Variants in TMEM50B observed in about 807,000 individuals in gnomAD.
TMEM50B encodes HCV p7-trans-regulated protein 3.
TMEM50B carries 14 observed loss-of-function variants against 23.4 expected under a neutral mutation model. The ratio of observed to expected loss-of-function variants is 0.60; its 90% confidence interval spans 0.39 to 0.93. TMEM50B has a LOEUF of 0.93. Among genes scored for constraint, TMEM50B ranks in the 40% least tolerant of loss-of-function variants. The pLI, the probability that TMEM50B is intolerant of heterozygous loss-of-function variation, is 0.00. For missense variants in TMEM50B, 159 were observed against 193.0 expected (o/e 0.82, Z 1.04); for synonymous variants, 64 against 62.3 (o/e 1.03, Z -0.13).
exon 9 of TMEM50B, chr21:33,432,638 C>T: frequency 6.7e-7 from 1 of 1,502,326 alleles, no homozygotes; most frequent in South Asian, 1.1e-5. Context: ...CTTTAAGCAG[C>T]ATGGATGGAA....
At chr21:33,451,417 A>T (rs1176135087) in intron 6 of TMEM50B, among the ~76,000 whole-genome samples, 2 of 152,206 alleles carry the variant, frequency 1.3e-5, no homozygotes, top group African/African-American at 4.8e-5. Context: ...GGAGACAATC[A>T]AATAAATATA....
At chr21:33,442,157 T>C (rs562304150) in intron 7 of TMEM50B, among the ~76,000 whole-genome samples, 65 of 152,198 alleles carry the variant, frequency 4.3e-4, no homozygotes, top group African/African-American at 1.4e-3. Context: ...GATGAGAACA[T>C]CCCCAGCTGT....
chr21:33,451,791 CAT>C (rs562994227), intron 6 of TMEM50B, among the ~76,000 whole-genome samples: 87 of 152,174 alleles, frequency 5.7e-4, no homozygotes, highest in Middle Eastern at 3.4e-3. Flanking sequence ...CCTAAGTACA[CAT>C]GAGTTCACCC....
rs2040120 is a variant in TMEM50B at position 33,436,742 on chromosome 21, T to A, written c.*2120+2472A>T. On this transcript the variant is annotated intron_variant and NMD_transcript_variant, in intron 8 of 8. Transcript: ENST00000420455. ...CTCAAAAAAAAAATAAAAATAAAAA[T>A]AAAATAAAAACAAAAACTAAAGTTA... is the stretch of plus-strand genomic sequence containing the variant. 0.5 allele frequency: 551,167 copies of A among 1,102,270 alleles called. 143,171 individuals are homozygous for A. The highest frequency in any genetic ancestry group is 0.82 in the East Asian group (31,507 of 38,360). 68.3% of individuals were successfully genotyped at this position (1,102,270 alleles called of 1,614,324 possible). A position where few individuals can be genotyped will look rare whatever the true frequency, so the allele number is the denominator to read the frequency against.
intron 1 of TMEM50B, chr21:33,479,331 A>T (rs1287878767): frequency 6.6e-6 from 1 of 152,670 alleles, no homozygotes; most frequent in Non-Finnish European, 1.5e-5. Flanking sequence ...ATGAAATCAG[A>T]AAAGTGCAGA....
intron 6 of TMEM50B, 79 bp downstream of exon 6, chr21:33,455,648 G>T: frequency 1.7e-6 from 2 of 1,175,414 alleles, no homozygotes; most frequent in South Asian, 1.2e-5. Flanking sequence ...ATTTATATGT[G>T]TTCCATATAT....
At chr21:33,466,299 G>A (rs1157092587) in intron 3 of TMEM50B, among the ~76,000 whole-genome samples, 1 of 152,004 alleles carries the variant, frequency 6.6e-6, no homozygotes, top group Non-Finnish European at 1.5e-5. Context: ...AGGAAATGAT[G>A]TAATCTTAAT....
intron 5 of TMEM50B, among the ~76,000 whole-genome samples, chr21:33,457,701 A>G (rs1465637607): frequency 3.3e-5 from 5 of 152,102 alleles, no homozygotes; most frequent in Middle Eastern, 3.4e-3. Flanking sequence ...TTTACAAACA[A>G]TATTTCCCTA....
At chr21:33,456,530 T>C (rs2084169922) in intron 5 of TMEM50B, among the ~76,000 whole-genome samples, 1 of 152,346 alleles carries the variant, frequency 6.6e-6, no homozygotes, top group Non-Finnish European at 1.5e-5. Flanking sequence ...TTATTAACTT[T>C]TGTAAAACTA....
chr21:33,438,350 T>C (rs1204353912), intron 8 of TMEM50B, among the ~76,000 whole-genome samples: 1 of 152,220 alleles, frequency 6.6e-6, no homozygotes, highest in Non-Finnish European at 1.5e-5. Context: ...TTCATTTATA[T>C]GTGACAAGTC....
At chr21:33,463,849 T>C (rs560355438) in intron 4 of TMEM50B, among the ~76,000 whole-genome samples, 10 of 152,204 alleles carry the variant, frequency 6.6e-5, no homozygotes, top group African/African-American at 2.4e-4. Context: ...GCCCAGGCTG[T>C]TGAGGCTGCA....
downstream of TMEM50B, among the ~76,000 whole-genome samples, chr21:33,444,692 G>A (rs755520443): frequency 1.3e-5 from 2 of 151,004 alleles, no homozygotes; most frequent in Non-Finnish European, 2.9e-5. Context: ...GGGAGGCTGA[G>A]GCTGGAGGGT....
chr21:33,465,466 A>G, intron 3 of TMEM50B, 57 bp from the exon 4 acceptor site: 1 of 1,310,112 alleles, frequency 7.6e-7, no homozygotes, highest in Non-Finnish European at 1.1e-6. Flanking sequence ...AAATACTCAA[A>G]TATTTATATA....
rs1054135355 is a variant in TMEM50B at position 33,450,506 on chromosome 21, G to T, written c.*312C>A. 8 of 224,988 alleles carry T rather than the reference G, an allele frequency of 3.6e-5. No homozygotes were observed. The highest frequency in any genetic ancestry group is 6.1e-5 in the Non-Finnish European group (7 of 115,446). 13.9% of individuals were successfully genotyped at this position (224,988 alleles called of 1,614,324 possible). ...CCACCGTGCCCAGCCAGAGAGACAA[G>T]AGTGGTTACTTCTAAAATGACAAGA... On this transcript the variant is annotated 3_prime_UTR_variant, in exon 7 of 7. Transcript: ENST00000542230.
intron 7 of TMEM50B, among the ~76,000 whole-genome samples, chr21:33,444,051 C>T (rs919865881): frequency 6.6e-6 from 1 of 152,178 alleles, no homozygotes; most frequent in Admixed American, 6.5e-5. Flanking sequence ...TAGGCACCTG[C>T]CACTACGCCT....
intron 1 of TMEM50B, among the ~76,000 whole-genome samples, chr21:33,477,154 G>A (rs1369522803): frequency 6.6e-6 from 1 of 152,006 alleles, no homozygotes; most frequent in Non-Finnish European, 1.5e-5. Flanking sequence ...CAAAAATTAG[G>A]CATGGTGGCA....
intron 4 of TMEM50B, among the ~76,000 whole-genome samples, chr21:33,462,980 C>A (rs2123439214): frequency 6.6e-6 from 1 of 152,344 alleles, no homozygotes; most frequent in South Asian, 2.1e-4. Context: ...GTTACAAAAT[C>A]TACATCAGCA....
intron 8 of TMEM50B, among the ~76,000 whole-genome samples, chr21:33,438,363 ACT>A (rs1284613721): frequency 6.6e-6 from 1 of 152,252 alleles, no homozygotes; most frequent in East Asian, 1.9e-4. Context: ...GACAAGTCAC[ACT>A]GTGTTGACCA....
Position 33,433,695 on chromosome 21 carries a change from T to C in TMEM50B, c.*2121-893A>G, listed in dbSNP as rs375499859. 3.3e-5 allele frequency among the ~76,000 whole-genome samples: 5 copies of C among 152,310 alleles called. No homozygotes were observed. The East Asian group carries it at 9.6e-4, about 29-fold the overall frequency. On this transcript the variant is annotated intron_variant and NMD_transcript_variant, in intron 8 of 8. Coordinates refer to the TMEM50B transcript ENST00000420455. The stretch of plus-strand genomic sequence containing the variant: ...TCTGGAGATGGATGGTGGTCATGAT[T>C]GCACAATGTGAATGTGCTTGGCACT...
Sources: gnomAD v4.1 joint callset for allele counts (sites outside exome capture counted in the v4.1 genomes callset) on GRCh38, gnomAD v4.1.1 for gene constraint, MANE v1.5 for transcripts, NCBI Gene and HGNC (gene_info 2026-07-23, HGNC 2026-07-21) for gene names.